Variants in USP34 observed in about 807,000 individuals in gnomAD.
USP34 encodes the protein ubiquitin carboxyl-terminal hydrolase 34.
A neutral mutation model predicts 460.3 loss-of-function variants in USP34; 70 were observed. The ratio of observed to expected loss-of-function variants is 0.15; its 90% CI spans 0.13 to 0.19. USP34 has a LOEUF of 0.19. Ranked by LOEUF, USP34 falls within the 10% of genes least tolerant of loss-of-function variation. The pLI is 1.00. For synonymous variants in USP34, 1,647 were observed against 1,405.3 expected (o/e 1.17, Z -3.85); for missense variants, 3,985 against 4,236.2 (o/e 0.94, Z 1.65).
intron 1 of USP34, among the ~76,000 whole-genome samples, chr2:61,430,540 T>C (rs1000714075): frequency 2.0e-5 from 3 of 152,306 alleles, no homozygotes; most frequent in African/African-American, 7.2e-5. Flanking sequence ...AAATGTTCAA[T>C]TGTGGTTCTT....
intron 5 of USP34, among the ~76,000 whole-genome samples, chr2:61,387,654 AT>A (rs1161825148): frequency 6.8e-6 from 1 of 146,496 alleles, no homozygotes; most frequent in Non-Finnish European, 1.5e-5. Context: ...AAAAATATAT[AT>A]TTTACATATG....
chr2:61,314,622 G>C lies in USP34; in HGVS notation c.3505C>G (p.Leu1169Val). The C allele has an allele frequency of 6.3e-7, 1 of 1,579,460 alleles. No homozygotes were observed. The highest frequency in any genetic ancestry group is 8.6e-7 in the Non-Finnish European group (1 of 1,168,888). ...SSLMVIERGL[L>V]MLKTHLEAFR... ...GCTTCCAGATGTGTCTTCAGCATAA[G>C]GAGTCCTCTTTCTATAACCATGAGA... Residue 1169 changes from leucine to valine, a missense_variant, in exon 25 of 80, where the codon CTT (leucine) becomes GTT (valine). Leu to Val is a conservative substitution (Grantham distance 32, BLOSUM62 1). This residue lies in a region of USP34 where 1,114 missense variants were observed against 1,122.5 expected (regional missense o/e 0.99). Transcript: ENST00000398571.
At chr2:61,437,082 T>C (rs1174213708) in intron 1 of USP34, among the ~76,000 whole-genome samples, 1 of 152,184 alleles carries the variant, frequency 6.6e-6, no homozygotes, top group South Asian at 2.1e-4. Context: ...AATAAATGCC[T>C]ATGCCAAGAA....
In USP34 at chr2:61,311,531, A is replaced by G; in HGVS notation, c.3817+9T>C. 1 of 1,551,120 alleles carries G rather than the reference A, an allele frequency of 6.4e-7. No homozygotes were observed. Among genetic ancestry groups the G allele is most frequent in the Non-Finnish European group, 8.7e-7 (1 of 1,152,608 alleles). ...AAGAGAAAGAGAAAATTTGAATTGAAAGGCTTACCAGGAAACTCTCCTTTT... is the reference window on the plus strand; with the variant it reads ...AAGAGAAAGAGAAAATTTGAATTGAGAGGCTTACCAGGAAACTCTCCTTTT... On this transcript the variant is annotated intron_variant, in intron 27 of 79. Coordinates refer to ENST00000398571, the MANE Select transcript of USP34 (RefSeq NM_014709.4).
In USP34 at chr2:61,348,330, C is replaced by T. The variant is rs772315858; in HGVS notation, c.1825G>A (p.Val609Ile). Residue 609 changes from valine to isoleucine, a missense_variant, in exon 15 of 80, where the codon GTA becomes ATA. Coordinates refer to ENST00000398571, the MANE Select transcript of USP34 (RefSeq NM_014709.4). ...SQSAGSPGSE[V>I]QSEDIADIEA... ...ATATCTGCAATGTCTTCTGACTGTACCTCACTGCCAGGGCTCCCAGCTGAC... is the reference window on the plus strand; with the variant it reads ...ATATCTGCAATGTCTTCTGACTGTATCTCACTGCCAGGGCTCCCAGCTGAC... 1.9e-6 allele frequency: 3 copies of T among 1,614,048 alleles called. No individual in the cohort carries two copies. The highest frequency in any genetic ancestry group is 2.7e-5 in the African/African-American group (2 of 74,928).
chr2:61,387,513 A>G (rs914604529), intron 5 of USP34, among the ~76,000 whole-genome samples: 1 of 148,664 alleles, frequency 6.7e-6, no homozygotes. Context: ...ATATGTATGT[A>G]TGTATATATA....
chr2:61,396,884 T>G (rs1457022217), intron 3 of USP34, among the ~76,000 whole-genome samples: 3 of 152,134 alleles, frequency 2.0e-5, no homozygotes, highest in Non-Finnish European at 2.9e-5. Context: ...GCTGCACAAC[T>G]CTGTAAATCT....
rs11397460 is a variant in USP34, at chr2:61,398,579, C to CGG, written c.553-3348_553-3347dup. Reference sequence around the variant, plus strand: ...GGCGGAAGCGGGAAGAGGGGAAAGTCGGGGGAGGGAGAAAGGGGAGGGAGA... The same window carrying CGG: ...GGCGGAAGCGGGAAGAGGGGAAAGTCGGGGGGGAGGGAGAAAGGGGAGGGAGA... On this transcript the variant is annotated intron_variant, in intron 3 of 79. Coordinates refer to ENST00000398571, the MANE Select transcript of USP34 (RefSeq NM_014709.4). Among the ~76,000 whole-genome samples, 37 of 104,010 alleles carry CGG rather than the reference C, an allele frequency of 3.6e-4. 1 individual carries two copies. The highest frequency in any genetic ancestry group is 8.8e-3 in the Middle Eastern group (2 of 228). The allele number at this position is 104,010 out of a possible 152,430, so 68.2% of individuals were successfully genotyped here.
intron 66 of USP34, among the ~76,000 whole-genome samples, chr2:61,221,256 G>A (rs1056264717): frequency 6.6e-6 from 1 of 152,090 alleles, no homozygotes; most frequent in Non-Finnish European, 1.5e-5. Context: ...ACTTCTAGTT[G>A]CTTTATGGAA....
chr2:61,256,860 C>A lies in USP34; in HGVS notation c.6126+13G>T. The A allele has an allele frequency of 6.5e-7, 1 of 1,546,064 alleles. No individual in the cohort carries two copies. The highest frequency in any genetic ancestry group is 1.3e-5 in the South Asian group (1 of 77,224). On this transcript the variant is annotated intron_variant, in intron 47 of 79. Coordinates refer to ENST00000398571, the MANE Select transcript of USP34 (RefSeq NM_014709.4). ...AAGCATAAAGTAAAAAAATTATGTG[C>A]ATTATTACTCACATAAATGTTCTTC...
chr2:61,326,729 C>T (rs1023772811), intron 20 of USP34, among the ~76,000 whole-genome samples: 1 of 150,052 alleles, frequency 6.7e-6, no homozygotes, highest in African/African-American at 2.5e-5. Context: ...AAAACAGTGG[C>T]TGGTCTATGC....
chr2:61,318,265 T>C (rs570966240), intron 22 of USP34, among the ~76,000 whole-genome samples: 1 of 152,106 alleles, frequency 6.6e-6, no homozygotes, highest in East Asian at 1.9e-4. Context: ...GAAATGTGTC[T>C]GATACAGGCT....
intron 10 of USP34, among the ~76,000 whole-genome samples, chr2:61,368,949 C>G (rs891862355): frequency 6.6e-5 from 10 of 152,066 alleles, no homozygotes; most frequent in African/African-American, 2.4e-4. Flanking sequence ...AAAAGATCAA[C>G]TTCAGTGACA....
chr2:61,437,084 T>C (rs544136428), intron 1 of USP34, among the ~76,000 whole-genome samples: 9 of 152,168 alleles, frequency 5.9e-5, no homozygotes, highest in African/African-American at 9.7e-5. Context: ...TAAATGCCTA[T>C]GCCAAGAAAC....
In USP34 at chr2:61,350,508, C is replaced by T. The variant is rs889370016; in HGVS notation, c.1377+60G>A. On this transcript the variant is annotated intron_variant, in intron 11 of 79. Coordinates refer to ENST00000398571, the MANE Select transcript of USP34 (RefSeq NM_014709.4). Reference sequence around the variant, plus strand: ...AAAATGAAAGTTAAATTATCTGAATCACAAGGAAATTTTCACTTCACGGGA... The same window carrying T: ...AAAATGAAAGTTAAATTATCTGAATTACAAGGAAATTTTCACTTCACGGGA... 36 of 1,557,098 alleles carry T rather than the reference C, an allele frequency of 2.3e-5. 1 individual carries two copies. Among genetic ancestry groups the T allele is most frequent in the Middle Eastern group, 3.5e-4 (2 of 5,780 alleles).
intron 1 of USP34, among the ~76,000 whole-genome samples, chr2:61,448,938 T>G (rs1050514598): frequency 1.3e-5 from 2 of 152,186 alleles, no homozygotes; most frequent in African/African-American, 4.8e-5. Context: ...GTGGATCACC[T>G]GAGGTTGGGA....
At chr2:61,352,842 G>GACAAAGACGATGAAA (rs912939131) in intron 10 of USP34, among the ~76,000 whole-genome samples, 29 of 151,440 alleles carry the variant, frequency 1.9e-4, no homozygotes, top group African/African-American at 3.9e-4. Flanking sequence ...TGACGAAGAG[G>GACAAAGACGATGAAA]ACAAAGACGA....
At chr2:61,281,326 T>A in intron 37 of USP34, 84 bp from the exon 38 acceptor site, 1 of 1,464,850 alleles carries the variant, frequency 6.8e-7, no homozygotes, top group Non-Finnish European at 9.2e-7. Context: ...TAGGTGATTT[T>A]AAATACAATG....
chr2:61,261,463 T>C (rs978750489), intron 43 of USP34, among the ~76,000 whole-genome samples: 6 of 151,986 alleles, frequency 3.9e-5, no homozygotes, highest in Non-Finnish European at 5.9e-5. Flanking sequence ...GTTGAATGCA[T>C]AGAGATGGAA....
Sources: allele counts gnomAD v4.1 joint callset (sites outside exome capture counted in the v4.1 genomes callset), GRCh38; gene constraint gnomAD v4.1.1; regional missense constraint gnomAD v4.1.1; transcripts MANE v1.5; gene names NCBI Gene and HGNC (gene_info 2026-07-23, HGNC 2026-07-21).